The following TMEM11 variants were observed in gnomAD, a reference collection of about 807,000 sequenced individuals.
The protein encoded by TMEM11 is transmembrane protein 11, mitochondrial.
A neutral mutation model predicts 17.0 loss-of-function variants in TMEM11; 1 was observed. The observed-to-expected ratio is 0.06, with a 90% CI of 0.02 to 0.28. The LOEUF (loss-of-function observed/expected upper bound fraction) is 0.28. Among genes scored for constraint, TMEM11 ranks in the 10% least tolerant of loss-of-function variants. TMEM11 has a pLI of 1.00. For synonymous variants in TMEM11, 122 were observed against 118.1 expected (o/e 1.03, Z -0.21); for missense variants, 172 against 252.9 (o/e 0.68, Z 2.17).
At chr17:21,207,675 G>T (rs1013701996) in intron 1 of TMEM11, among the ~76,000 whole-genome samples, 2 of 151,948 alleles carry the variant, frequency 1.3e-5, no homozygotes, top group South Asian at 2.1e-4. Context: ...ATTACCTAAG[G>T]TCAGGAGTTT....
At chr17:21,205,143 T>A (rs773195082) in intron 1 of TMEM11, among the ~76,000 whole-genome samples, 12 of 152,044 alleles carry the variant, frequency 7.9e-5, no homozygotes, top group Non-Finnish European at 1.6e-4. Flanking sequence ...GCAGGGCAAC[T>A]CCACGGCCCC....
At chr17:21,199,834 G>A (rs11654092) in intron 1 of TMEM11, among the ~76,000 whole-genome samples, 47,589 of 152,074 alleles carry the variant, frequency 0.31, 7,552 homozygotes, top group Middle Eastern at 0.38. Flanking sequence ...TAGGAAAAGC[G>A]ACCCTTTCCT....
chr17:21,211,068 T>TG (rs952521808), intron 1 of TMEM11: 2 of 1,289,694 alleles, frequency 1.6e-6, no homozygotes, highest in African/African-American at 3.0e-5. Context: ...CACAGATACC[T>TG]GCACTGTGCT....
At chr17:21,211,328 TAA>T in intron 1 of TMEM11, 2 of 884,568 alleles carry the variant, frequency 2.3e-6, no homozygotes, top group Non-Finnish European at 3.1e-6. Flanking sequence ...GTCCATATCA[TAA>T]CTTTCTGCAG....
chr17:21,205,769 A>G (rs2144301844), intron 1 of TMEM11, among the ~76,000 whole-genome samples: 1 of 152,054 alleles, frequency 6.6e-6, no homozygotes, highest in East Asian at 1.9e-4. Flanking sequence ...ATCTGACTAT[A>G]CAAGTACTTC....
chr17:21,203,267 G>C (rs967874332), intron 1 of TMEM11, among the ~76,000 whole-genome samples: 1 of 152,160 alleles, frequency 6.6e-6, no homozygotes, highest in Admixed American at 6.5e-5. Flanking sequence ...GAGCTCACCC[G>C]GCCACGACCA....
At chr17:21,213,957 C>G in intron 1 of TMEM11, 134 bp downstream of exon 1, 1 of 851,022 alleles carries the variant, frequency 1.2e-6, no homozygotes, top group South Asian at 1.7e-5. Flanking sequence ...GAACTGGAAC[C>G]CAGTATGCCC....
chr17:21,210,892 G>A (rs907402635), intron 1 of TMEM11: 65 of 1,242,360 alleles, frequency 5.2e-5, no homozygotes, highest in Non-Finnish European at 6.7e-5. Flanking sequence ...ACATCTTCAC[G>A]TGATTATAAA....
At position 21,214,086 on chromosome 17, in the gene TMEM11, C is replaced by T. The variant is rs762973350; in HGVS notation, c.62+5G>A. On this transcript the variant is annotated splice_donor_5th_base_variant and intron_variant, in intron 1 of 1. Transcript: ENST00000317635. ...CACTGGGGGCAACAAGCCCTTGGAT[C>T]TCACCTCTCTCGGGCGCTGCCGCCA... The T allele has an allele frequency of 6.2e-7, 1 of 1,609,480 alleles. No homozygotes were observed. The highest frequency in any genetic ancestry group is 8.5e-7 in the Non-Finnish European group (1 of 1,179,044).
intron 1 of TMEM11, among the ~76,000 whole-genome samples, chr17:21,202,182 G>A (rs1356297938): frequency 6.6e-6 from 1 of 152,178 alleles, no homozygotes; most frequent in Non-Finnish European, 1.5e-5. Context: ...CAGGAGCAGA[G>A]AGGCCAGATA....
chr17:21,213,980 G>C lies in TMEM11; in HGVS notation c.62+111C>G, dbSNP rs1454193107. 6 of 1,064,514 alleles carry C rather than the reference G, an allele frequency of 5.6e-6. No homozygotes were observed. The African/African-American group carries it at 8.1e-5, about 14-fold the overall frequency. 65.9% of individuals were successfully genotyped at this position (1,064,514 alleles called of 1,614,324 possible). On this transcript the variant is annotated intron_variant, in intron 1 of 1. Coordinates refer to ENST00000317635, the MANE Select transcript of TMEM11 (RefSeq NM_003876.3). ...ACCCAGTATGCCCGGCGAGGGTAGG[G>C]GGAGCGCGGGGAAACCAGGGAAGGA...
intron 1 of TMEM11, chr17:21,208,254 AG>A (rs1974966034): frequency 6.6e-6 from 1 of 152,082 alleles, no homozygotes; most frequent in Admixed American, 6.6e-5. Flanking sequence ...GGCCTCCCAA[AG>A]TGTTGGGATT....
At chr17:21,209,442 T>C (rs1245468206) in intron 1 of TMEM11, among the ~76,000 whole-genome samples, 2 of 151,960 alleles carry the variant, frequency 1.3e-5, no homozygotes, top group Non-Finnish European at 2.9e-5. Context: ...GCTGTTGAAA[T>C]TTAAATTAAT....
intron 1 of TMEM11, among the ~76,000 whole-genome samples, chr17:21,205,697 C>T (rs1006389239): frequency 6.6e-6 from 1 of 151,908 alleles, no homozygotes; most frequent in East Asian, 1.9e-4. Context: ...ATGAAATGAT[C>T]CCCCCATTCC....
rs567876202 is a variant in TMEM11, at chr17:21,198,065, C to T, written c.*259G>A. The T allele has an allele frequency of 2.6e-4, 122 of 468,286 alleles. 4 individuals carry two copies. In the South Asian group the frequency reaches 3.4e-3, roughly 13 times the overall value. The allele number at this position is 468,286 out of a possible 1,614,324, so 29.0% of individuals were successfully genotyped here. A position where few individuals can be genotyped will look rare whatever the true frequency, so the allele number is the denominator to read the frequency against. On this transcript the variant is annotated 3_prime_UTR_variant, in exon 2 of 2. Transcript: ENST00000317635. The surrounding 1 kb of genome is among the most constrained non-coding windows in gnomAD (Gnocchi z 6.5). ...AAGCACGTCCACACCCCCTCGGCAG[C>T]GTCTGCCTCCATCAGCATTCCACTG...
intron 1 of TMEM11, among the ~76,000 whole-genome samples, chr17:21,208,753 G>A (rs576384016): frequency 3.9e-5 from 6 of 152,304 alleles, no homozygotes; most frequent in Admixed American, 6.5e-5. Context: ...CATTTTCATC[G>A]TAGTTTCCCC....
chr17:21,203,285 A>G (rs975769318), intron 1 of TMEM11, among the ~76,000 whole-genome samples: 1 of 152,214 alleles, frequency 6.6e-6, no homozygotes, highest in Non-Finnish European at 1.5e-5. Flanking sequence ...CCAGGCAGTC[A>G]GCACTCCAAC....
Position 21,198,256 on chromosome 17 carries a change from G to C in TMEM11, c.*68C>G, listed in dbSNP as rs558505291. ...CAGGCTCTGCTGCCTCACAGAGTGT[G>C]GCGATCTGAATACTCTGTTGTCTCT... is the stretch of plus-strand genomic sequence containing the variant. On this transcript the variant is annotated 3_prime_UTR_variant, in exon 2 of 2. Transcript: ENST00000317635. This position sits in a 1 kb window ranked among gnomAD's most constrained non-coding sequence, Gnocchi z 6.5. 2.2e-4 allele frequency: 343 copies of C among 1,531,676 alleles called. No individual in the cohort carries two copies. The highest frequency in any genetic ancestry group is 3.0e-4 in the Non-Finnish European group (334 of 1,131,872). 94.9% of individuals were successfully genotyped at this position (1,531,676 alleles called of 1,614,324 possible).
At chr17:21,201,221 C>T (rs1016929954) in intron 1 of TMEM11, among the ~76,000 whole-genome samples, 2 of 152,240 alleles carry the variant, frequency 1.3e-5, no homozygotes, top group African/African-American at 4.8e-5. Context: ...ACCCTAACCC[C>T]GCCCCTGGGT....
Sources: gnomAD v4.1 joint callset for allele counts (sites outside exome capture counted in the v4.1 genomes callset) on GRCh38, gnomAD v4.1.1 for gene constraint, Gnocchi (gnomAD v3.1) non-coding constraint, MANE v1.5 for transcripts, NCBI Gene and HGNC (gene_info 2026-07-23, HGNC 2026-07-21) for gene names.